The following IST1 variants were observed in gnomAD, a reference collection of about 807,000 sequenced individuals.
IST1 encodes the protein IST1 factor associated with ESCRT-III.
IST1 carries 23 observed loss-of-function variants against 37.0 expected under a neutral mutation model. The observed-to-expected ratio is 0.62, with a 90% CI of 0.45 to 0.88. The LOEUF (loss-of-function observed/expected upper bound fraction) is 0.88. IST1 is among the 40% of genes least tolerant of loss of function. IST1 has a pLI of 0.00. For missense variants in IST1, 488 were observed against 445.4 expected (o/e 1.10, Z -0.86); for synonymous variants, 180 against 161.7 (o/e 1.11, Z -0.86).
At chr16:71,913,948 A>C (rs1050903906) in intron 1 of IST1, among the ~76,000 whole-genome samples, 1 of 152,054 alleles carries the variant, frequency 6.6e-6, no homozygotes, top group Non-Finnish European at 1.5e-5. Flanking sequence ...AGCTGGGATT[A>C]CAGGCATGCG....
intron 1 of IST1, among the ~76,000 whole-genome samples, chr16:71,913,839 A>G (rs1224588542): frequency 4.6e-5 from 7 of 150,972 alleles, no homozygotes; most frequent in Non-Finnish European, 1.0e-4. Flanking sequence ...ACGGAGTTTC[A>G]CTCTTGTTGC....
At chr16:71,910,943 T>G (rs150733624) in intron 1 of IST1, among the ~76,000 whole-genome samples, 5 of 152,228 alleles carry the variant, frequency 3.3e-5, no homozygotes, top group East Asian at 1.9e-4. Flanking sequence ...TAAAGTAGTA[T>G]TATAATGTGT....
intron 1 of IST1, among the ~76,000 whole-genome samples, chr16:71,909,736 A>G (rs1277269929): frequency 6.6e-6 from 1 of 152,238 alleles, no homozygotes; most frequent in Non-Finnish European, 1.5e-5. Flanking sequence ...ATAGTAAATG[A>G]AAACTCGAGA....
intron 1 of IST1, among the ~76,000 whole-genome samples, chr16:71,911,874 G>A (rs540277974): frequency 6.6e-6 from 1 of 152,038 alleles, no homozygotes; most frequent in East Asian, 1.9e-4. Context: ...GCACCACCAT[G>A]CCATGGCGAA....
chr16:71,922,009 C>T (rs1215985606), intron 6 of IST1, among the ~76,000 whole-genome samples: 2 of 152,272 alleles, frequency 1.3e-5, no homozygotes, highest in South Asian at 2.1e-4. Context: ...TGGTGGTGGG[C>T]ACCTGTAATC....
intron 1 of IST1, 22 bp from the exon 2 acceptor site, chr16:71,915,604 A>G: frequency 6.4e-7 from 1 of 1,551,698 alleles, no homozygotes; most frequent in Non-Finnish European, 8.8e-7. Context: ...GAAAATAGTC[A>G]TTGTGCTTCT....
chr16:71,929,488 A>T lies in IST1; in HGVS notation c.*1675A>T. On this transcript the variant is annotated 3_prime_UTR_variant, in exon 10 of 10. Transcript: ENST00000378799. The stretch of plus-strand genomic sequence containing the variant: ...AATTTTAAAGCTATGCCATGCAAAG[A>T]TAAGTAGTAATACGCTAATAAATAC... 6.8e-7 allele frequency: 1 copy of T among 1,469,912 alleles called. No homozygotes were observed. Among genetic ancestry groups the T allele is most frequent in the East Asian group, 2.5e-5 (1 of 40,040 alleles). 91.1% of individuals were successfully genotyped at this position (1,469,912 alleles called of 1,614,324 possible).
At chr16:71,897,193 G>A (rs1247665130) in intron 1 of IST1, among the ~76,000 whole-genome samples, 2 of 85,542 alleles carry the variant, frequency 2.3e-5, no homozygotes, top group Non-Finnish European at 5.0e-5. Context: ...TTTTTTTTTT[G>A]GTCGGGGTCG....
At chr16:71,902,712 T>G (rs2037134911) in intron 1 of IST1, among the ~76,000 whole-genome samples, 2 of 152,244 alleles carry the variant, frequency 1.3e-5, no homozygotes, top group Non-Finnish European at 2.9e-5. Flanking sequence ...TAATATCGCC[T>G]TTAAAAGTCT....
At chr16:71,923,631 A>T (rs1323593832) in intron 8 of IST1, 2 of 344,776 alleles carry the variant, frequency 5.8e-6, no homozygotes, top group Non-Finnish European at 1.1e-5. Flanking sequence ...GATTTCTTAG[A>T]AAGTTGTAGT....
At chr16:71,897,871 C>T (rs770509504) in intron 1 of IST1, among the ~76,000 whole-genome samples, 1 of 152,136 alleles carries the variant, frequency 6.6e-6, no homozygotes, top group Non-Finnish European at 1.5e-5. Flanking sequence ...CTTGCTCGAA[C>T]CCGAGAGGCG....
chr16:71,902,867 T>A (rs2037138569), intron 1 of IST1, among the ~76,000 whole-genome samples: 1 of 151,972 alleles, frequency 6.6e-6, no homozygotes, highest in Admixed American at 6.6e-5. Context: ...GTTTCCTTGA[T>A]TTTTTTTCTA....
In IST1 at chr16:71,930,216, G is replaced by T; in HGVS notation, c.*2403G>T. 1 of 1,517,892 alleles carries T rather than the reference G, an allele frequency of 6.6e-7. No individual in the cohort carries two copies. Among genetic ancestry groups the T allele is most frequent in the South Asian group, 1.2e-5 (1 of 80,186 alleles). 94.0% of individuals were successfully genotyped at this position (1,517,892 alleles called of 1,614,324 possible). The stretch of plus-strand genomic sequence containing the variant: ...AACAATAAGAACACTTGCAGTGACT[G>T]ACAATTTAGTTTATACTTTACAAAC... On this transcript the variant is annotated 3_prime_UTR_variant, in exon 10 of 10. Coordinates refer to ENST00000378799, the MANE Select transcript of IST1 (RefSeq NM_001270975.2).
upstream of IST1, chr16:71,895,392 G>A (rs186352685): frequency 1.0e-5 from 4 of 385,496 alleles, no homozygotes; most frequent in Middle Eastern, 1.3e-3. Flanking sequence ...AAAGGAAACC[G>A]AGGGAGGGTG....
intron 8 of IST1, chr16:71,924,038 T>G (rs1438666805): frequency 2.2e-6 from 1 of 445,290 alleles, no homozygotes; most frequent in South Asian, 1.6e-5. Context: ...TCTAGGAAGA[T>G]CTTCCTGTTC....
At chr16:71,915,455 G>A (rs1307955620) in intron 1 of IST1, 171 bp from the exon 2 acceptor site, 7 of 531,530 alleles carry the variant, frequency 1.3e-5, no homozygotes, top group Non-Finnish European at 2.0e-5. Context: ...TCCCCAATCA[G>A]TTTTTTTTAC....
chr16:71,924,718 T>TAAG, intron 8 of IST1, 51 bp from the exon 9 acceptor site: 1 of 1,394,556 alleles, frequency 7.2e-7, no homozygotes, highest in South Asian at 1.2e-5. Flanking sequence ...ACCAGTACTT[T>TAAG]CTCCAGTGAC....
rs2037778259 is a variant in IST1 at position 71,927,606 on chromosome 16, C to G, written c.902-8C>G. Reference sequence around the variant, plus strand: ...TATTTGTAACGTTGTGCTCCTTGCCCTAATTAGGTCCTGGACCCAAGCCAG... The same window carrying G: ...TATTTGTAACGTTGTGCTCCTTGCCGTAATTAGGTCCTGGACCCAAGCCAG... On this transcript the variant is annotated splice_region_variant and splice_polypyrimidine_tract_variant and intron_variant, in intron 9 of 9. Coordinates refer to ENST00000378799, the MANE Select transcript of IST1 (RefSeq NM_001270975.2). 1 of 1,607,160 alleles carries G rather than the reference C, an allele frequency of 6.2e-7. No individual in the cohort carries two copies.
intron 1 of IST1, among the ~76,000 whole-genome samples, chr16:71,909,386 T>G (rs775026679): frequency 6.6e-6 from 1 of 152,150 alleles, no homozygotes; most frequent in East Asian, 1.9e-4. Flanking sequence ...ATTATAGGCA[T>G]GGACCACCGT....
Sources: gnomAD v4.1 joint callset for allele counts (sites outside exome capture counted in the v4.1 genomes callset) on GRCh38, gnomAD v4.1.1 for gene constraint, MANE v1.5 for transcripts, NCBI Gene and HGNC (gene_info 2026-07-23, HGNC 2026-07-21) for gene names.